MEI4: variants seen among roughly 807,000 people sequenced by gnomAD.
The protein encoded by MEI4 is meiotic double-stranded break formation protein 4, also known as meiosis-specific protein MEI4.
Under a neutral mutation model 31.4 loss-of-function variants are expected in MEI4, and 27 were observed. The ratio of observed to expected loss-of-function variants is 0.86; its 90% CI spans 0.63 to 1.19. The LOEUF (loss-of-function observed/expected upper bound fraction) is 1.19. MEI4 is among the 50% of genes most tolerant of loss of function. MEI4 has a pLI of 0.00. For missense variants in MEI4, 329 were observed against 398.9 expected (o/e 0.82, Z 1.49); for synonymous variants, 122 against 145.4 (o/e 0.84, Z 1.16).
intron 4 of MEI4, among the ~76,000 whole-genome samples, chr6:77,919,282 G>A (rs1766643360): frequency 6.6e-6 from 1 of 151,808 alleles, no homozygotes; most frequent in African/African-American, 2.4e-5. Flanking sequence ...AAAGAACAGA[G>A]ATTATAACAA....
At chr6:77,689,728 T>C (rs1383688081) in intron 1 of MEI4, among the ~76,000 whole-genome samples, 3 of 152,000 alleles carry the variant, frequency 2.0e-5, no homozygotes, top group African/African-American at 7.2e-5. Flanking sequence ...TGGAAGGAAA[T>C]AAAGTTTGAA....
intron 4 of MEI4, among the ~76,000 whole-genome samples, chr6:77,909,384 C>A (rs940861425): frequency 1.3e-5 from 2 of 151,896 alleles, no homozygotes; most frequent in South Asian, 4.2e-4. Flanking sequence ...ATATCACCAC[C>A]GATCCCACAG....
intron 4 of MEI4, among the ~76,000 whole-genome samples, chr6:77,888,577 T>C (rs1771681025): frequency 1.3e-5 from 2 of 152,308 alleles, no homozygotes; most frequent in South Asian, 4.1e-4. Flanking sequence ...AGACTATTTC[T>C]CCTTCACTTT....
At chr6:77,755,596 T>C (rs1767895360) in intron 2 of MEI4, among the ~76,000 whole-genome samples, 1 of 152,052 alleles carries the variant, frequency 6.6e-6, no homozygotes, top group South Asian at 2.1e-4. Context: ...CTTTTGTATT[T>C]TTAGTAGAGA....
At chr6:77,788,807 T>A (rs2127694610) in intron 3 of MEI4, among the ~76,000 whole-genome samples, 1 of 152,202 alleles carries the variant, frequency 6.6e-6, no homozygotes, top group Non-Finnish European at 1.5e-5. Context: ...AGAATCAATA[T>A]CGTGAAAATG....
At chr6:77,753,555 C>T (rs1335945947) in intron 2 of MEI4, among the ~76,000 whole-genome samples, 1 of 152,192 alleles carries the variant, frequency 6.6e-6, no homozygotes. Flanking sequence ...AATGAGATAT[C>T]ACTTCACGCC....
At chr6:77,795,192 A>G (rs71563072) in intron 3 of MEI4, among the ~76,000 whole-genome samples, 3,060 of 152,310 alleles carry the variant, frequency 0.02, 53 homozygotes, top group South Asian at 0.033. Flanking sequence ...CAAAGCTAGC[A>G]TAATGAAGGA....
chr6:77,792,221 C>G (rs1768955899), intron 3 of MEI4, among the ~76,000 whole-genome samples: 1 of 151,986 alleles, frequency 6.6e-6, no homozygotes, highest in East Asian at 1.9e-4. Context: ...TAAGTTGATT[C>G]CATCTTTTAA....
upstream of MEI4, among the ~76,000 whole-genome samples, chr6:77,652,448 A>G (rs979621282): frequency 6.6e-6 from 1 of 152,110 alleles, no homozygotes; most frequent in Non-Finnish European, 1.5e-5. Context: ...GTGATTGTGT[A>G]TATATTTTTT....
intron 3 of MEI4, among the ~76,000 whole-genome samples, chr6:77,802,961 C>T (rs1462565347): frequency 6.6e-6 from 1 of 152,116 alleles, no homozygotes; most frequent in Non-Finnish European, 1.5e-5. Flanking sequence ...TGGAGTTGCT[C>T]TTCTCGAGGA....
chr6:77,919,516 T>C (rs1044807127), intron 4 of MEI4, among the ~76,000 whole-genome samples: 1 of 151,904 alleles, frequency 6.6e-6, no homozygotes, highest in Non-Finnish European at 1.5e-5. Flanking sequence ...GAGGGAAATT[T>C]ATAGCACTAA....
At chr6:77,833,607 G>T (rs181050506) in intron 4 of MEI4, among the ~76,000 whole-genome samples, 36 of 152,184 alleles carry the variant, frequency 2.4e-4, no homozygotes, top group African/African-American at 8.4e-4. Context: ...TACATATGTG[G>T]ATTTTTTTGT....
rs1177624179 is a variant in MEI4 at position 77,913,906 on chromosome 6, C to T, written c.901-9183C>T. Among the ~76,000 whole-genome samples, 8 of 151,406 alleles carry T rather than the reference C, an allele frequency of 5.3e-5. No individual in the cohort carries two copies. The East Asian group carries it at 9.8e-4, about 19-fold the overall frequency. ...AAAATTAGCTGAGTGTGGTGGCGGG[C>T]ACCTGTAGTCCCAGCTACTCCAGAG... On this transcript the variant is annotated intron_variant, in intron 4 of 4. Coordinates refer to ENST00000684080, the MANE Select transcript of MEI4 (RefSeq NM_001322247.2).
rs180790053 is a variant in MEI4, at chr6:77,867,177, G to C, written c.900+38115G>C. 1.0e-3 allele frequency among the ~76,000 whole-genome samples: 155 copies of C among 152,294 alleles called. 1 individual carries two copies. The highest frequency in any genetic ancestry group is 3.5e-3 in the African/African-American group (145 of 41,566). Reference sequence around the variant, plus strand: ...ACATAGGCATGGGAAAGGACTTCATGTGTAAAACACCAAAAGCAATGGCAA... The same window carrying C: ...ACATAGGCATGGGAAAGGACTTCATCTGTAAAACACCAAAAGCAATGGCAA... On this transcript the variant is annotated intron_variant, in intron 4 of 4. Coordinates refer to ENST00000684080, the MANE Select transcript of MEI4 (RefSeq NM_001322247.2).
Position 77,761,246 on chromosome 6 carries a change from C to T in MEI4, c.349C>T (p.Leu117=). 1 of 1,232,538 alleles carries T rather than the reference C, an allele frequency of 8.1e-7. No homozygotes were observed. Among genetic ancestry groups the T allele is most frequent in the Non-Finnish European group, 1.0e-6 (1 of 988,044 alleles). 76.4% of individuals were successfully genotyped at this position (1,232,538 alleles called of 1,614,324 possible). Residue 117 remains leucine, a synonymous_variant, in exon 3 of 5, where the codon CTG becomes TTG. Transcript: ENST00000684080. ...SNEQRTESSD[L]SQHFVESCTP... ...TGAGCAGAGAACTGAATCCTCAGAC[C>T]TGTCCCAGCACTTTGTGGAAAGCTG...
chr6:77,873,701 A>T lies in MEI4; in HGVS notation c.900+44639A>T, dbSNP rs1349802781. Among the ~76,000 whole-genome samples, 9 of 152,216 alleles carry T rather than the reference A, an allele frequency of 5.9e-5. No homozygotes were observed. In the South Asian group the frequency reaches 1.9e-3, roughly 32 times the overall value. The stretch of plus-strand genomic sequence containing the variant: ...TCCCATGCCTATGTCCTGAATGGTA[A>T]TGCCTAGGTTTTCTTCTAGGGTTTT... On this transcript the variant is annotated intron_variant, in intron 4 of 4. Coordinates refer to ENST00000684080, the MANE Select transcript of MEI4 (RefSeq NM_001322247.2).
chr6:77,719,425 A>G lies in MEI4; in HGVS notation c.232+28522A>G, dbSNP rs533454213. On this transcript the variant is annotated intron_variant, in intron 2 of 4. Coordinates refer to ENST00000684080, the MANE Select transcript of MEI4 (RefSeq NM_001322247.2). ...TGACAATAGGTACTTCTACCAACCA[A>G]TTTTGGACTGCAGGCATTAAACATC... Among the ~76,000 whole-genome samples the G allele has an allele frequency of 6.0e-5, 7 of 116,492 alleles. 1 individual carries two copies. Among genetic ancestry groups the G allele is most frequent in the African/African-American group, 1.0e-4 (3 of 28,650 alleles). 76.4% of individuals were successfully genotyped at this position (116,492 alleles called of 152,430 possible).
At chr6:77,650,672 G>T, upstream of MEI4, among the ~76,000 whole-genome samples, 1 of 152,228 alleles carries the variant, frequency 6.6e-6, no homozygotes, top group East Asian at 1.9e-4. Context: ...CCTTTCACGT[G>T]CCCTGGGTTT....
intron 4 of MEI4, among the ~76,000 whole-genome samples, chr6:77,831,149 A>T (rs1202580611): frequency 6.6e-6 from 1 of 151,794 alleles, no homozygotes; most frequent in Non-Finnish European, 1.5e-5. Flanking sequence ...GCATATGAAA[A>T]AAAAAAAAAA....
Sources: allele counts gnomAD v4.1 joint callset (sites outside exome capture counted in the v4.1 genomes callset), GRCh38; gene constraint gnomAD v4.1.1; transcripts MANE v1.5; gene names NCBI Gene and HGNC (gene_info 2026-07-23, HGNC 2026-07-21).